The following NOX4 variants were observed in gnomAD, a reference collection of about 807,000 sequenced individuals.
NOX4 encodes kidney oxidase-1.
A neutral mutation model predicts 87.6 loss-of-function variants in NOX4; 69 were observed. That is an observed-to-expected ratio of 0.79 (90% confidence interval 0.65 to 0.96). NOX4 has a LOEUF of 0.96. Among genes scored for constraint, NOX4 ranks in the 40% least tolerant of loss-of-function variants. The pLI is 0.00. For synonymous variants in NOX4, 275 were observed against 238.2 expected, an observed-to-expected ratio of 1.15 and a Z score of -1.42; for missense variants, 680 against 681.5, an observed-to-expected ratio of 1.00 and a Z score of 0.02.
intron 2 of NOX4, among the ~76,000 whole-genome samples, chr11:89,477,520 A>G (rs1240529868): frequency 6.6e-6 from 1 of 152,108 alleles, no homozygotes; most frequent in Non-Finnish European, 1.5e-5. Flanking sequence ...GGGACCGCTG[A>G]AAGAGTGGGA....
At chr11:89,382,672 T>G (rs1254301635) in intron 11 of NOX4, among the ~76,000 whole-genome samples, 1 of 151,880 alleles carries the variant, frequency 6.6e-6, no homozygotes, top group African/African-American at 2.4e-5. Context: ...CCAGGCTGAA[T>G]CAGGCTCCAA....
intron 11 of NOX4, among the ~76,000 whole-genome samples, chr11:89,399,062 GTATTT>G (rs961744560): frequency 1.1e-4 from 16 of 151,806 alleles, no homozygotes; most frequent in South Asian, 2.1e-4. Context: ...TTTTAAGTTT[GTATTT>G]TATTTTATAT....
chr11:89,347,415 G>A (rs1340294074), intron 13 of NOX4, among the ~76,000 whole-genome samples: 2 of 152,228 alleles, frequency 1.3e-5, no homozygotes, highest in Non-Finnish European at 2.9e-5. Flanking sequence ...GAATGGTGAT[G>A]AGAATTCACT....
At chr11:89,489,508 A>C (rs1189603694) in intron 2 of NOX4, among the ~76,000 whole-genome samples, 1 of 152,040 alleles carries the variant, frequency 6.6e-6, no homozygotes, top group Non-Finnish European at 1.5e-5. Context: ...CAGGCGGATC[A>C]CTTGAGGTCA....
At chr11:89,550,768 T>C in the NOX4 span, among the ~76,000 whole-genome samples, 1 of 152,216 alleles carries the variant, frequency 6.6e-6, no homozygotes, top group Non-Finnish European at 1.5e-5. Flanking sequence ...TGATAGTTTC[T>C]TTTGCTGTGC....
chr11:89,537,495 T>C, the NOX4 span, among the ~76,000 whole-genome samples: 5 of 151,988 alleles, frequency 3.3e-5, no homozygotes, highest in East Asian at 1.9e-4. Context: ...CTTTTATATA[T>C]GGTATATAAA....
At chr11:89,477,765 G>C (rs1008014687) in intron 2 of NOX4, among the ~76,000 whole-genome samples, 5 of 123,220 alleles carry the variant, frequency 4.1e-5, no homozygotes, top group African/African-American at 2.2e-4. Flanking sequence ...CAATTTATGA[G>C]CTGCTTGACG....
At chr11:89,569,967 A>C in the NOX4 span, among the ~76,000 whole-genome samples, 1 of 150,366 alleles carries the variant, frequency 6.7e-6, no homozygotes, top group Admixed American at 6.7e-5. Context: ...ATGCCACTGC[A>C]CTCCAGCATG....
At chr11:89,460,503 G>A (rs892908622) in intron 2 of NOX4, among the ~76,000 whole-genome samples, 14 of 152,158 alleles carry the variant, frequency 9.2e-5, no homozygotes, top group South Asian at 2.1e-4. Context: ...CGAAGGATAT[G>A]AACAGACACT....
intron 2 of NOX4, among the ~76,000 whole-genome samples, chr11:89,486,638 A>ATGTGTGTG (rs1565349504): frequency 8.0e-6 from 1 of 124,946 alleles, no homozygotes; most frequent in Admixed American, 7.8e-5. Context: ...ATATACATAT[A>ATGTGTGTG]TATGTGTGTA....
chr11:89,451,326 A>G (rs1944950689), intron 3 of NOX4, among the ~76,000 whole-genome samples: 1 of 152,154 alleles, frequency 6.6e-6, no homozygotes, highest in Non-Finnish European at 1.5e-5. Flanking sequence ...CTCAGAATCT[A>G]AAGGACTCTA....
chr11:89,440,697 A>T lies in NOX4; in HGVS notation c.466T>A (p.Phe156Ile). Residue 156 changes from phenylalanine (F) to isoleucine (I), a missense_variant, in exon 6 of 18, where the codon TTC becomes ATC. Coordinates refer to ENST00000263317, the MANE Select transcript of NOX4 (RefSeq NM_016931.5). ...AAGAATAACAACTTACCAGTTGTGA[A>T]GAGAAGTTTTCTAGGATCCTGAGAA... Reference protein sequence around the residue: ...YRDEDPRKLLFTTVPGLTGVC... With the variant: ...YRDEDPRKLLITTVPGLTGVC... 6.5e-7 allele frequency: 1 copy of T among 1,549,374 alleles called. No individual in the cohort carries two copies. Among genetic ancestry groups the T allele is most frequent in the South Asian group, 1.2e-5 (1 of 84,434 alleles).
the NOX4 span, among the ~76,000 whole-genome samples, chr11:89,564,202 C>T: frequency 6.6e-6 from 1 of 152,136 alleles, no homozygotes; most frequent in Non-Finnish European, 1.5e-5. Flanking sequence ...AAAGAACTAC[C>T]TGAAACTGGG....
intron 6 of NOX4, 62 bp downstream of exon 6, chr11:89,440,626 G>A (rs1199926838): frequency 1.5e-5 from 18 of 1,210,034 alleles, no homozygotes; most frequent in East Asian, 5.1e-5. Flanking sequence ...CGCCCAGTCC[G>A]ATAATGCCTA....
intron 8 of NOX4, among the ~76,000 whole-genome samples, chr11:89,409,252 T>G (rs1266295230): frequency 6.6e-6 from 1 of 152,150 alleles, no homozygotes; most frequent in Admixed American, 6.6e-5. Context: ...TCCTCCTCCT[T>G]TCCCCCAACT....
intron 13 of NOX4, among the ~76,000 whole-genome samples, chr11:89,353,448 T>C (rs1937724014): frequency 1.3e-5 from 2 of 152,178 alleles, no homozygotes; most frequent in Non-Finnish European, 2.9e-5. Flanking sequence ...GCTTAGATGA[T>C]TGTTAGCATT....
the NOX4 span, among the ~76,000 whole-genome samples, chr11:89,531,975 G>A: frequency 2.0e-5 from 3 of 152,212 alleles, no homozygotes; most frequent in African/African-American, 7.2e-5. Context: ...TCCGTGTGGT[G>A]TGGGGCCTGT....
In NOX4 at chr11:89,483,763, CA is replaced by C. The variant is rs1461648934; in HGVS notation, c.153+6694del. ...GACAGTAGATTTTCTGCTTTTATCA[CA>C]AAAAAAGATAAGCATGTAAGGTAAT... On this transcript the variant is annotated intron_variant, in intron 2 of 17. Transcript: ENST00000263317. Among the ~76,000 whole-genome samples the C allele has an allele frequency of 9.9e-5, 15 of 151,642 alleles. No homozygotes were observed. The East Asian group carries it at 1.3e-3, about 14-fold the overall frequency.
At chr11:89,509,266 C>T in the NOX4 span, among the ~76,000 whole-genome samples, 2 of 151,668 alleles carry the variant, frequency 1.3e-5, no homozygotes, top group African/African-American at 4.8e-5. Flanking sequence ...GTCTCTTAGA[C>T]ATTAACCAGC....
Sources: allele counts gnomAD v4.1 joint callset (sites outside exome capture counted in the v4.1 genomes callset), GRCh38; gene constraint gnomAD v4.1.1; transcripts MANE v1.5; gene names NCBI Gene and HGNC (gene_info 2026-07-23, HGNC 2026-07-21).